The following CPE variants were observed in gnomAD, a reference collection of about 807,000 sequenced individuals.
CPE encodes carbocypeptidase E.
A neutral mutation model predicts 53.5 loss-of-function variants in CPE; 17 were observed. That is an observed-to-expected ratio of 0.32 (90% CI 0.22 to 0.48). The LOEUF (loss-of-function observed/expected upper bound fraction) is 0.48. Ranked by LOEUF, CPE falls within the 20% of genes least tolerant of loss-of-function variation. CPE has a pLI of 0.99. For synonymous variants in CPE, 226 were observed against 228.8 expected (o/e 0.99, Z 0.11); for missense variants, 524 against 614.7 (o/e 0.85, Z 1.56).
Position 165,445,407 on chromosome 4 carries a change from G to A in CPE, c.308-18983G>A, listed in dbSNP as rs145905050. On this transcript the variant is annotated intron_variant, in intron 1 of 8. Transcript: ENST00000402744. ...AATTGTTTTTTAAAATACTAATTTC[G>A]CTTTTAGCTTTTAAAATTTCTACTC... 1.8e-3 allele frequency among the ~76,000 whole-genome samples: 277 copies of A among 149,890 alleles called. 2 individuals are homozygous for A. Among genetic ancestry groups the A allele is most frequent in the Middle Eastern group, 0.014 (4 of 286 alleles).
intron 1 of CPE, among the ~76,000 whole-genome samples, chr4:165,419,009 C>A (rs10033089): frequency 0.3 from 44,932 of 151,984 alleles, 6,726 homozygotes; most frequent in Middle Eastern, 0.39. Flanking sequence ...TCTGTGCTTA[C>A]ATTTTAATTC....
intron 1 of CPE, among the ~76,000 whole-genome samples, chr4:165,423,443 G>A (rs895993380): frequency 7.3e-5 from 11 of 151,342 alleles, no homozygotes; most frequent in African/African-American, 1.5e-4. Context: ...TCATCATATG[G>A]TTATTAGAGA....
rs1368541063 is a variant in CPE, at chr4:165,379,372, T to C, written c.151T>C (p.Phe51Leu). 6.2e-7 allele frequency: 1 copy of C among 1,605,258 alleles called. No homozygotes were observed. Residue 51 changes from phenylalanine to leucine, a missense_variant, in exon 1 of 9, where the codon TTC becomes CTC. Transcript: ENST00000402744. The surrounding 1 kb of genome is among the most constrained non-coding windows in gnomAD (Gnocchi z 6.0). ...RRLQQEDGIS[F>L]EYHRYPELRE... The stretch of plus-strand genomic sequence containing the variant: ...GCTGCAGCAAGAGGACGGCATCTCC[T>C]TCGAGTACCACCGCTACCCCGAGCT...
chr4:165,487,378 C>T (rs1395859967), intron 5 of CPE, 60 bp from the exon 6 acceptor site: 1 of 1,602,526 alleles, frequency 6.2e-7, no homozygotes, highest in Non-Finnish European at 8.5e-7. Flanking sequence ...AGAAGACTAG[C>T]CTGTGTAGAG....
intron 1 of CPE, chr4:165,405,973 C>T: frequency 1.4e-6 from 1 of 738,650 alleles, no homozygotes; most frequent in East Asian, 2.6e-5. Context: ...CAAATGTTCT[C>T]TGTGCTTCTT....
chr4:165,428,645 G>A (rs983286678), intron 1 of CPE, among the ~76,000 whole-genome samples: 7 of 137,292 alleles, frequency 5.1e-5, no homozygotes, highest in Admixed American at 1.4e-4. Context: ...AAATAAAGGA[G>A]TTGTCAGGGC....
At chr4:165,424,955 A>G (rs375829175) in intron 1 of CPE, among the ~76,000 whole-genome samples, 26 of 150,134 alleles carry the variant, frequency 1.7e-4, no homozygotes, top group Admixed American at 1.1e-3. Flanking sequence ...GCTCACTGCA[A>G]CCTACACCTC....
At chr4:165,470,734 C>T (rs1234688472) in intron 3 of CPE, among the ~76,000 whole-genome samples, 2 of 152,154 alleles carry the variant, frequency 1.3e-5, no homozygotes, top group African/African-American at 2.4e-5. Context: ...TTTCCCCCCT[C>T]AAGAATCCAA....
At chr4:165,484,359 A>T (rs1732466452) in intron 4 of CPE, 63 bp from the exon 5 acceptor site, 1 of 1,467,804 alleles carries the variant, frequency 6.8e-7, no homozygotes, top group South Asian at 1.3e-5. Context: ...ATCACTCTTT[A>T]GAAAACATGC....
intron 1 of CPE, among the ~76,000 whole-genome samples, chr4:165,443,788 T>C (rs535237840): frequency 2.0e-5 from 3 of 152,318 alleles, no homozygotes; most frequent in Admixed American, 1.3e-4. Flanking sequence ...CTCCCAAAAG[T>C]AATTTGTTGA....
intron 1 of CPE, among the ~76,000 whole-genome samples, chr4:165,398,063 A>C (rs917783440): frequency 3.6e-4 from 54 of 150,128 alleles, no homozygotes; most frequent in African/African-American, 1.3e-3. Context: ...AAAAAAAAAA[A>C]AAAAAAAACA....
intron 1 of CPE, among the ~76,000 whole-genome samples, chr4:165,442,047 G>GTTT (rs1054878301): frequency 5.3e-5 from 3 of 57,118 alleles, no homozygotes; most frequent in Non-Finnish European, 3.7e-5. Flanking sequence ...TTTTTTTTTT[G>GTTT]TTTTTTTTTT....
chr4:165,487,635 C>T (rs1215465096), intron 6 of CPE, 58 bp downstream of exon 6: 21 of 1,590,856 alleles, frequency 1.3e-5, no homozygotes, highest in Non-Finnish European at 1.5e-5. Context: ...ACCTGTCCTA[C>T]AATGGTCTTG....
At chr4:165,410,495 A>G (rs1025138202) in intron 1 of CPE, among the ~76,000 whole-genome samples, 1 of 152,200 alleles carries the variant, frequency 6.6e-6, no homozygotes, top group Non-Finnish European at 1.5e-5. Context: ...ATTTATTTTT[A>G]TTACATATTT....
chr4:165,405,191 T>A (rs1730932828), intron 1 of CPE: 14 of 778,522 alleles, frequency 1.8e-5, no homozygotes, highest in Non-Finnish European at 3.3e-5. Context: ...GAGTGTGGCA[T>A]CTTTAAGTAT....
At position 165,379,366 on chromosome 4, in the gene CPE, A is replaced by G; in HGVS notation, c.145A>G (p.Ile49Val). ...CCGGCGGCTGCAGCAAGAGGACGGC[A>G]TCTCCTTCGAGTACCACCGCTACCC... ...RRRRLQQEDG[I>V]SFEYHRYPEL... The change falls in exon 1 of 9, where the codon ATC becomes GTC. Residue 49 changes from isoleucine (I) to valine (V), a missense_variant. Coordinates refer to ENST00000402744, the MANE Select transcript of CPE (RefSeq NM_001873.4). The surrounding 1 kb of genome is among the most constrained non-coding windows in gnomAD (Gnocchi z 6.0). 6.2e-7 allele frequency: 1 copy of G among 1,602,688 alleles called. No individual in the cohort carries two copies. The highest frequency in any genetic ancestry group is 8.5e-7 in the Non-Finnish European group (1 of 1,176,626).
At position 165,419,320 on chromosome 4, in the gene CPE, G is replaced by A. The variant is rs997425483; in HGVS notation, c.307+39792G>A. On this transcript the variant is annotated intron_variant, in intron 1 of 8. Coordinates refer to ENST00000402744, the MANE Select transcript of CPE (RefSeq NM_001873.4). ...TGTAAAGTAAAAGGCTGGGAGCTGA[G>A]TGTGTGGTGATGCTTCCTCCTTTTC... is the stretch of plus-strand genomic sequence containing the variant. 1.8e-4 allele frequency among the ~76,000 whole-genome samples: 27 copies of A among 152,286 alleles called. No homozygotes were observed. The East Asian group carries it at 4.8e-3, about 27-fold the overall frequency.
At chr4:165,396,730 T>C (rs1327500780) in intron 1 of CPE, among the ~76,000 whole-genome samples, 1 of 148,658 alleles carries the variant, frequency 6.7e-6, no homozygotes, top group Non-Finnish European at 1.5e-5. Context: ...AAATATAATA[T>C]TTAAGGTTAG....
At chr4:165,463,104 C>T (rs776066120) in intron 1 of CPE, among the ~76,000 whole-genome samples, 2 of 152,094 alleles carry the variant, frequency 1.3e-5, no homozygotes, top group African/African-American at 2.4e-5. Context: ...ACTCCTAAAA[C>T]GCAATGGAGA....
Sources: gnomAD v4.1 joint callset for allele counts (sites outside exome capture counted in the v4.1 genomes callset) on GRCh38, gnomAD v4.1.1 for gene constraint, Gnocchi (gnomAD v3.1) non-coding constraint, MANE v1.5 for transcripts, NCBI Gene and HGNC (gene_info 2026-07-23, HGNC 2026-07-21) for gene names.